The following ANO1 variants were observed in gnomAD, a reference collection of about 807,000 sequenced individuals.
ANO1 encodes the protein anoctamin-1.
Under a neutral mutation model 124.0 loss-of-function variants are expected in ANO1, and 59 were observed. The observed-to-expected ratio is 0.48, with a 90% confidence interval of 0.39 to 0.59. The LOEUF is 0.59. Among genes scored for constraint, ANO1 ranks in the 20% least tolerant of loss-of-function variants. The pLI is 0.00. For synonymous variants in ANO1, 529 were observed against 532.0 expected (o/e 0.99, Z 0.08); for missense variants, 1,059 against 1,328.0 (o/e 0.80, Z 3.15).
intron 1 of ANO1, among the ~76,000 whole-genome samples, chr11:70,034,186 T>C (rs1223825609): frequency 6.6e-6 from 1 of 152,068 alleles, no homozygotes; most frequent in East Asian, 1.9e-4. Flanking sequence ...TCTGGCCCTT[T>C]ACAGAAAAAG....
chr11:70,123,207 A>G (rs1330953544), intron 8 of ANO1, among the ~76,000 whole-genome samples: 1 of 152,118 alleles, frequency 6.6e-6, no homozygotes, highest in African/African-American at 2.4e-5. Context: ...CCCTCCAACC[A>G]TGGCCATGCT....
At chr11:70,172,133 AAAAGAAAAG>A (rs1332096500) in intron 22 of ANO1, among the ~76,000 whole-genome samples, 94 of 93,792 alleles carry the variant, frequency 1.0e-3, no homozygotes, top group African/African-American at 2.7e-3. Context: ...AAAAAAAAAA[AAAAGAAAAG>A]AAAAGAAAAG....
At chr11:70,134,585 A>C (rs1024253608) in intron 11 of ANO1, among the ~76,000 whole-genome samples, 2 of 152,188 alleles carry the variant, frequency 1.3e-5, no homozygotes, top group African/African-American at 4.8e-5. Flanking sequence ...GGAGCATGTG[A>C]GAACCAAAGA....
At chr11:70,149,629 A>G in intron 11 of ANO1, 81 bp from the exon 12 acceptor site, 1 of 1,440,228 alleles carries the variant, frequency 6.9e-7, no homozygotes, top group African/African-American at 1.4e-5. Context: ...CAGCCTGGGC[A>G]ACAAGAGCAA....
intron 1 of ANO1, among the ~76,000 whole-genome samples, chr11:70,017,459 TTCCTTCCC>T (rs1555002104): frequency 2.0e-4 from 30 of 151,276 alleles, no homozygotes; most frequent in Non-Finnish European, 3.8e-4. Context: ...CCTTCCTTCC[TTCCTTCCC>T]TCCTTCCCTC....
At chr11:70,170,264 G>C in intron 21 of ANO1, 1 of 428,808 alleles carries the variant, frequency 2.3e-6, no homozygotes, top group Non-Finnish European at 4.6e-6. Flanking sequence ...CCACAGGCTG[G>C]GCCTTTGAGC....
At chr11:70,018,364 A>G (rs1555002247) in intron 1 of ANO1, 1 of 152,142 alleles carries the variant, frequency 6.6e-6, no homozygotes, top group East Asian at 1.9e-4. Context: ...CTCTATGAAA[A>G]AAAAATAAAG....
intron 1 of ANO1, chr11:70,064,092 T>G (rs1195687616): frequency 6.6e-6 from 1 of 152,248 alleles, no homozygotes; most frequent in African/African-American, 2.4e-5. Flanking sequence ...GGAAGGAACA[T>G]CAGGCAGAGT....
intron 22 of ANO1, among the ~76,000 whole-genome samples, chr11:70,172,119 T>TAAA (rs367908728): frequency 0.011 from 1,276 of 120,444 alleles, 24 homozygotes; most frequent in African/African-American, 0.039. Flanking sequence ...GAACCTGTCT[T>TAAA]AAAAAAAAAA....
chr11:70,169,474 C>A (rs930392601), intron 21 of ANO1, among the ~76,000 whole-genome samples: 1 of 144,304 alleles, frequency 6.9e-6, no homozygotes, highest in Non-Finnish European at 1.5e-5. Context: ...CCCTCCCAGG[C>A]CCCAGCCCTG....
intron 9 of ANO1, among the ~76,000 whole-genome samples, chr11:70,124,757 C>A (rs1322305433): frequency 6.6e-6 from 1 of 152,152 alleles, no homozygotes; most frequent in Non-Finnish European, 1.5e-5. Flanking sequence ...GGAAGGATTT[C>A]TTCTCTCCCA....
Position 70,104,020 on chromosome 11 carries a change from C to T in ANO1, c.562C>T (p.Arg188Cys), listed in dbSNP as rs75148876. 413 of 1,612,082 alleles carry T rather than the reference C, an allele frequency of 2.6e-4. 2 individuals carry two copies. In the African/African-American group the frequency reaches 3.3e-3, roughly 13 times the overall value. Residue 188 changes from arginine (R) to cysteine (C), a missense_variant, in exon 4 of 26, where the codon CGT becomes TGT. Around this residue, in one of 2 missense-constraint regions of ANO1, gnomAD observed 809 missense variants for 1,094.9 expected, o/e 0.74. Transcript: ENST00000355303. The stretch of plus-strand genomic sequence containing the variant: ...GCAGATGTACCACATTAATGAGACC[C>T]GTGGCCTCCTGAAAAAAATCAACTC... ...TKKMYHINET[R>C]GLLKKINSVL...
chr11:70,101,704 G>A (rs973367371), intron 2 of ANO1, among the ~76,000 whole-genome samples: 2 of 151,690 alleles, frequency 1.3e-5, no homozygotes, highest in African/African-American at 2.4e-5. Flanking sequence ...CAGAACCCAG[G>A]TCAGGCCCTG....
At position 70,188,795 on chromosome 11, in the gene ANO1, A is replaced by G. The variant is rs2049247020; in HGVS notation, c.*791A>G. The G allele has an allele frequency of 6.6e-6, 1 of 152,346 alleles. No individual in the cohort carries two copies. Among genetic ancestry groups the G allele is most frequent in the Non-Finnish European group, 1.5e-5 (1 of 67,998 alleles). The allele number at this position is 152,346 out of a possible 1,614,324, so 9.4% of individuals were successfully genotyped here. A position where few individuals can be genotyped will look rare whatever the true frequency, so the allele number is the denominator to read the frequency against. On this transcript the variant is annotated 3_prime_UTR_variant, in exon 26 of 26. Coordinates refer to ENST00000355303, the MANE Select transcript of ANO1 (RefSeq NM_018043.7). ...TTGACCAGAAAATGGGCAGAGAGAG[A>G]TGACCTCGGAAGCATTTCCACAGAT...
rs553645242 is a variant in ANO1 at position 70,163,652 on chromosome 11, G to A, written c.1950+312G>A. ...TCTCTTCTGGTTAAGATGAATTAAT[G>A]AGGGACGGGTGCAGTGGCTCATGCC... is the stretch of plus-strand genomic sequence containing the variant. On this transcript the variant is annotated intron_variant, in intron 19 of 25. Transcript: ENST00000355303. 1.4e-4 allele frequency: 83 copies of A among 584,952 alleles called. No homozygotes were observed. The African/African-American group carries it at 1.4e-3, about 10-fold the overall frequency. 36.2% of individuals were successfully genotyped at this position (584,952 alleles called of 1,614,324 possible).
chr11:70,005,643 CT>C (rs1554999931), intron 1 of ANO1, among the ~76,000 whole-genome samples: 2 of 152,172 alleles, frequency 1.3e-5, no homozygotes, highest in African/African-American at 4.8e-5. Context: ...CTTTCTCCCC[CT>C]CATTTTATTT....
chr11:70,061,630 A>G (rs1857580195), intron 1 of ANO1, among the ~76,000 whole-genome samples: 1 of 152,024 alleles, frequency 6.6e-6, no homozygotes, highest in African/African-American at 2.4e-5. Flanking sequence ...GCAGCTACCT[A>G]TAGCAGCTGA....
chr11:70,160,725 A>G (rs1267731412), intron 16 of ANO1, among the ~76,000 whole-genome samples: 1 of 152,146 alleles, frequency 6.6e-6, no homozygotes, highest in Non-Finnish European at 1.5e-5. Flanking sequence ...TTGGGGGAGA[A>G]GCCCCATCCC....
intron 1 of ANO1, among the ~76,000 whole-genome samples, chr11:69,992,812 C>T (rs1856182374): frequency 2.0e-5 from 3 of 152,228 alleles, no homozygotes; most frequent in Non-Finnish European, 4.4e-5. Context: ...TCATGGCCCT[C>T]AGCCTTCAGC....
Sources: gnomAD v4.1 joint callset for allele counts (sites outside exome capture counted in the v4.1 genomes callset) on GRCh38, gnomAD v4.1.1 for gene constraint, gnomAD v4.1.1 regional missense constraint, MANE v1.5 for transcripts, NCBI Gene and HGNC (gene_info 2026-07-23, HGNC 2026-07-21) for gene names.